Variants in TBC1D5 observed in about 807,000 individuals in gnomAD.
The protein encoded by TBC1D5 is TBC1 domain family member 5.
A neutral mutation model predicts 100.3 loss-of-function variants in TBC1D5; 75 were observed. The ratio of observed to expected loss-of-function variants is 0.75; its 90% CI spans 0.62 to 0.91. The LOEUF (loss-of-function observed/expected upper bound fraction) is 0.91, where lower values mean the gene tolerates loss of function less well. Ranked by LOEUF, TBC1D5 falls within the 40% of genes least tolerant of loss-of-function variation. TBC1D5 has a pLI of 0.00. For synonymous variants in TBC1D5, 323 were observed against 325.6 expected (o/e 0.99, Z 0.09); for missense variants, 910 against 942.4 (o/e 0.97, Z 0.45).
At chr3:17,363,896 G>A (rs554610907) in intron 13 of TBC1D5, among the ~76,000 whole-genome samples, 2 of 151,454 alleles carry the variant, frequency 1.3e-5, no homozygotes, top group South Asian at 4.2e-4. Context: ...ATTTCTTTAT[G>A]TATGTTAAAT....
At chr3:17,245,099 GGGAGA>G (rs1259749322) in intron 16 of TBC1D5, among the ~76,000 whole-genome samples, 2 of 151,838 alleles carry the variant, frequency 1.3e-5, no homozygotes, top group East Asian at 3.9e-4. Flanking sequence ...GGGCTAAGGT[GGGAGA>G]ACTGCTTGAG....
At chr3:17,530,641 C>T (rs913063182) in intron 2 of TBC1D5, among the ~76,000 whole-genome samples, 1 of 152,028 alleles carries the variant, frequency 6.6e-6, no homozygotes, top group African/African-American at 2.4e-5. Flanking sequence ...AAACATGATC[C>T]AGTGGGCTTC....
rs567936240 is a variant in TBC1D5 at position 17,305,381 on chromosome 3, T to C, written c.1138+2611A>G. ...GACCATATAATTTTTATGATCCTAA[T>C]GTGATGTCTTCAAGAGTGAAAAAGG... On this transcript the variant is annotated intron_variant, in intron 14 of 21. Coordinates refer to ENST00000253692, the Ensembl canonical transcript of TBC1D5. Among the ~76,000 whole-genome samples, 9 of 152,312 alleles carry C rather than the reference T, an allele frequency of 5.9e-5. No individual in the cohort carries two copies. The South Asian group carries it at 1.9e-3, about 32-fold the overall frequency.
intron 1 of TBC1D5, among the ~76,000 whole-genome samples, chr3:17,710,620 C>G (rs2074621783): frequency 6.6e-6 from 1 of 151,554 alleles, no homozygotes; most frequent in Admixed American, 6.6e-5. Flanking sequence ...ATAGAATGAA[C>G]TTGTTGAACG....
chr3:17,508,956 C>T (rs1253041561), intron 2 of TBC1D5, among the ~76,000 whole-genome samples: 1 of 152,026 alleles, frequency 6.6e-6, no homozygotes, highest in Non-Finnish European at 1.5e-5. Flanking sequence ...CACAATAGAA[C>T]TTTCAAAATA....
At chr3:17,269,989 A>T (rs917009104) in intron 15 of TBC1D5, among the ~76,000 whole-genome samples, 8 of 152,070 alleles carry the variant, frequency 5.3e-5, no homozygotes, top group African/African-American at 1.9e-4. Flanking sequence ...AGAATGATAT[A>T]TTTTCCTTTG....
At chr3:17,330,220 T>G (rs1165857476) in intron 13 of TBC1D5, among the ~76,000 whole-genome samples, 1 of 152,046 alleles carries the variant, frequency 6.6e-6, no homozygotes, top group African/African-American at 2.4e-5. Context: ...GTCTATTACT[T>G]GAAACACTCA....
At chr3:17,187,559 A>G (rs1338450656) in intron 18 of TBC1D5, among the ~76,000 whole-genome samples, 1 of 152,238 alleles carries the variant, frequency 6.6e-6, no homozygotes, top group Non-Finnish European at 1.5e-5. Flanking sequence ...TTCCTGATCC[A>G]CAGATCTATG....
chr3:17,687,494 C>G (rs2070475793), intron 1 of TBC1D5, among the ~76,000 whole-genome samples: 1 of 151,986 alleles, frequency 6.6e-6, no homozygotes, highest in Non-Finnish European at 1.5e-5. Flanking sequence ...CAAATAATAA[C>G]AAGGAGAGGG....
intron 13 of TBC1D5, among the ~76,000 whole-genome samples, chr3:17,368,299 T>C (rs1164932088): frequency 6.6e-6 from 1 of 152,148 alleles, no homozygotes; most frequent in Admixed American, 6.5e-5. Flanking sequence ...TTAATTCTAA[T>C]TTTGTTAAGT....
chr3:17,161,119 G>A (rs2065986201), exon 22 of TBC1D5: 2 of 1,614,196 alleles, frequency 1.2e-6, no homozygotes, highest in South Asian at 1.1e-5. Flanking sequence ...TTTTCCCAGA[G>A]GTGCTTCTGA....
chr3:17,583,496 T>C (rs557715459), intron 2 of TBC1D5, among the ~76,000 whole-genome samples: 5 of 151,984 alleles, frequency 3.3e-5, no homozygotes, highest in African/African-American at 1.2e-4. Flanking sequence ...GAAGCCAAGG[T>C]GGGCAGACTG....
chr3:17,433,113 G>A lies in TBC1D5; in HGVS notation c.98-4594C>T, dbSNP rs77021145. Among the ~76,000 whole-genome samples, 531 of 152,170 alleles carry A rather than the reference G, an allele frequency of 3.5e-3. 3 individuals are homozygous for A. The highest frequency in any genetic ancestry group is 0.012 in the African/African-American group (513 of 41,532). On this transcript the variant is annotated intron_variant, in intron 3 of 21. Transcript: ENST00000253692. ...GGTGGGAGTCTGGTACTTAGTTCTCGAAGGGAAGAGGGTACCATGTTAGCA... is the reference window on the plus strand; with the variant it reads ...GGTGGGAGTCTGGTACTTAGTTCTCAAAGGGAAGAGGGTACCATGTTAGCA...
intron 1 of TBC1D5, among the ~76,000 whole-genome samples, chr3:17,670,901 C>G (rs1199763971): frequency 6.6e-6 from 1 of 152,178 alleles, no homozygotes. Flanking sequence ...ACTAAACAAG[C>G]TGCACCACTA....
chr3:17,655,949 T>C (rs1024684416), intron 1 of TBC1D5, among the ~76,000 whole-genome samples: 3 of 152,136 alleles, frequency 2.0e-5, no homozygotes, highest in East Asian at 1.9e-4. Context: ...GAAAAGAAAA[T>C]ACATTTCTGT....
At chr3:17,686,175 G>C (rs1317154064) in intron 1 of TBC1D5, among the ~76,000 whole-genome samples, 1 of 152,080 alleles carries the variant, frequency 6.6e-6, no homozygotes, top group Non-Finnish European at 1.5e-5. Context: ...CAAAGTCCTT[G>C]AAAGAACACG....
At chr3:17,656,094 G>A (rs2066035186) in intron 1 of TBC1D5, among the ~76,000 whole-genome samples, 1 of 152,156 alleles carries the variant, frequency 6.6e-6, no homozygotes, top group Admixed American at 6.5e-5. Context: ...CAGATTAAAG[G>A]AGCAATTTTC....
chr3:17,564,680 C>T (rs933869436), intron 2 of TBC1D5, among the ~76,000 whole-genome samples: 5 of 152,094 alleles, frequency 3.3e-5, no homozygotes, highest in African/African-American at 1.2e-4. Context: ...TATGCCCCAC[C>T]ACTACTGCTG....
At chr3:17,578,082 A>G (rs747442160) in intron 2 of TBC1D5, among the ~76,000 whole-genome samples, 2 of 152,030 alleles carry the variant, frequency 1.3e-5, no homozygotes, top group East Asian at 1.9e-4. Flanking sequence ...TAATGTAGGA[A>G]ACACTCTTGG....
Sources: allele counts gnomAD v4.1 joint callset (sites outside exome capture counted in the v4.1 genomes callset), GRCh38; gene constraint gnomAD v4.1.1; transcripts MANE v1.5; gene names NCBI Gene and HGNC (gene_info 2026-07-23, HGNC 2026-07-21).